Variants in RALGAPB observed in about 807,000 individuals in gnomAD.
RALGAPB encodes Ral GTPase activating protein non-catalytic subunit beta, also known as ral GTPase-activating protein subunit beta.
Under a neutral mutation model 161.1 loss-of-function variants are expected in RALGAPB, and 25 were observed. The ratio of observed to expected loss-of-function variants is 0.16; its 90% CI spans 0.11 to 0.22. The LOEUF is 0.22. RALGAPB is among the 10% of genes least tolerant of loss of function. The pLI is 1.00. For missense variants in RALGAPB, 1,391 were observed against 1,815.2 expected, an observed-to-expected ratio of 0.77 and a Z score of 4.25; for synonymous variants, 629 against 626.1, an observed-to-expected ratio of 1.00 and a Z score of -0.07.
At chr20:38,529,790 A>G (rs1243380475) in intron 13 of RALGAPB, among the ~76,000 whole-genome samples, 2 of 152,172 alleles carry the variant, frequency 1.3e-5, no homozygotes, top group Non-Finnish European at 2.9e-5. Context: ...GCAGTGAGCC[A>G]AGATCACGCT....
In RALGAPB at chr20:38,574,774, G is replaced by A. The variant is rs2088374510; in HGVS notation, c.4292G>A (p.Gly1431Asp). 3.7e-6 allele frequency: 6 copies of A among 1,612,734 alleles called. No individual in the cohort carries two copies. Among genetic ancestry groups the A allele is most frequent in the Non-Finnish European group, 5.1e-6 (6 of 1,178,882 alleles). The change falls in exon 30 of 30, where the codon GGC becomes GAC. Residue 1431 changes from glycine to aspartate, a missense_variant and splice_region_variant. Physicochemically the swap from Gly to Asp is moderately conservative, Grantham distance 94 (BLOSUM62 -1). This residue lies in a region of RALGAPB where 436 missense variants were observed against 527.0 expected (regional missense o/e 0.83). Transcript: ENST00000262879. ...TATTTTAAAACTCTCTATTTTCAAG[G>A]CTTTCTGGTGAGGCAGACTGTAATT... is the stretch of plus-strand genomic sequence containing the variant. ...DGMIVSRRAL[G>D]FLVRQTVINI...
chr20:38,476,417 A>G (rs1197673978), intron 1 of RALGAPB, among the ~76,000 whole-genome samples: 2 of 152,212 alleles, frequency 1.3e-5, no homozygotes, highest in African/African-American at 4.8e-5. Context: ...GGTCAAGGCT[A>G]CATGGTTAGC....
At chr20:38,488,016 C>T (rs1170576947) in intron 1 of RALGAPB, among the ~76,000 whole-genome samples, 1 of 152,090 alleles carries the variant, frequency 6.6e-6, no homozygotes, top group African/African-American at 2.4e-5. Context: ...GCCAAGATCA[C>T]ACCATTGTAC....
chr20:38,517,592 C>T lies in RALGAPB; in HGVS notation c.1138C>T (p.Pro380Ser), dbSNP rs995697613. 1 of 1,613,914 alleles carries T rather than the reference C, an allele frequency of 6.2e-7. No individual in the cohort carries two copies. The highest frequency in any genetic ancestry group is 1.3e-5 in the African/African-American group (1 of 74,964). ...TCAAAGTGCTGCTGTCAGTACCACC[C>T]CCCCACATAACCGGAGGCACCGGGC... ...MPQSAAVSTTPPHNRRHRAVT... is the reference protein window; with the variant it reads ...MPQSAAVSTTSPHNRRHRAVT... The change falls in exon 8 of 30, where the codon CCC becomes TCC. Residue 380 changes from proline (P) to serine (S), a missense_variant. Physicochemically the swap from Pro to Ser is moderately conservative, Grantham distance 74. Coordinates refer to ENST00000262879, the MANE Select transcript of RALGAPB (RefSeq NM_020336.4).
At chr20:38,500,917 T>C (rs2085574381) in intron 5 of RALGAPB, among the ~76,000 whole-genome samples, 1 of 152,182 alleles carries the variant, frequency 6.6e-6, no homozygotes. Context: ...GGCCTAACTG[T>C]CTTCAGTTCT....
At chr20:38,531,457 A>G (rs1195261326) in intron 14 of RALGAPB, among the ~76,000 whole-genome samples, 1 of 152,216 alleles carries the variant, frequency 6.6e-6, no homozygotes, top group Admixed American at 6.5e-5. Flanking sequence ...GAGAGAAACT[A>G]CAGCTAAATC....
rs966784475 is a variant in RALGAPB, at chr20:38,566,481, T to C, written c.3818-615T>C. Among the ~76,000 whole-genome samples the C allele has an allele frequency of 7.9e-5, 12 of 152,186 alleles. 1 individual carries two copies. The highest frequency in any genetic ancestry group is 5.9e-4 in the Admixed American group (9 of 15,272). On this transcript the variant is annotated intron_variant, in intron 25 of 29. Coordinates refer to ENST00000262879, the MANE Select transcript of RALGAPB (RefSeq NM_020336.4). ...CGTCCTTATTCTATAGCTCCTGCAA[T>C]TGGGTCTTTGTCTCCTGTTGTGAAA...
intron 9 of RALGAPB, among the ~76,000 whole-genome samples, chr20:38,520,524 CTTTT>C (rs775371608): frequency 5.7e-5 from 4 of 70,324 alleles, no homozygotes; most frequent in Admixed American, 3.2e-4. Context: ...TGTGTTTTGG[CTTTT>C]TTTTTTTTTT....
At chr20:38,483,470 G>GCAA (rs920217315) in intron 1 of RALGAPB, among the ~76,000 whole-genome samples, 2 of 152,288 alleles carry the variant, frequency 1.3e-5, no homozygotes, top group Admixed American at 1.3e-4. Flanking sequence ...CATCTTATAT[G>GCAA]TAATACTACA....
intron 3 of RALGAPB, among the ~76,000 whole-genome samples, chr20:38,496,871 A>G (rs1384224350): frequency 1.3e-5 from 2 of 152,178 alleles, no homozygotes; most frequent in Admixed American, 6.5e-5. Flanking sequence ...GCCCTTCTCT[A>G]ACAGACCTTA....
intron 7 of RALGAPB, among the ~76,000 whole-genome samples, chr20:38,517,064 C>T (rs1369381978): frequency 6.6e-6 from 1 of 152,188 alleles, no homozygotes; most frequent in Non-Finnish European, 1.5e-5. Context: ...GGTTCCATCA[C>T]CAGCAGGGAT....
At chr20:38,508,149 A>G (rs553903029) in intron 5 of RALGAPB, among the ~76,000 whole-genome samples, 3 of 151,570 alleles carry the variant, frequency 2.0e-5, no homozygotes, top group Non-Finnish European at 2.9e-5. Context: ...ATAAATAGCT[A>G]TAATTTATAA....
At chr20:38,540,868 G>A (rs2086942658) in intron 17 of RALGAPB, among the ~76,000 whole-genome samples, 173 bp from the exon 18 acceptor site, 1 of 151,918 alleles carries the variant, frequency 6.6e-6, no homozygotes, top group South Asian at 2.1e-4. Context: ...TGGGGGGAGG[G>A]GGTGTAAAGT....
intron 20 of RALGAPB, among the ~76,000 whole-genome samples, chr20:38,549,533 TAAAA>T (rs66699514): frequency 5.8e-5 from 8 of 138,592 alleles, no homozygotes; most frequent in Admixed American, 1.5e-4. Flanking sequence ...CCAGCCTAAT[TAAAA>T]AAAAAAAAAA....
At position 38,502,297 on chromosome 20, in the gene RALGAPB, A is replaced by G. The variant is rs1049598646; in HGVS notation, c.740+2664A>G. Among the ~76,000 whole-genome samples the G allele has an allele frequency of 3.3e-5, 5 of 152,284 alleles. No individual in the cohort carries two copies. In the East Asian group the frequency reaches 7.7e-4, roughly 24 times the overall value. ...AGTAAAAAGTGATGTCTCAGTTTTC[A>G]TTTATTTTTCGTCATATTTAATTTA... is the stretch of plus-strand genomic sequence containing the variant. On this transcript the variant is annotated intron_variant, in intron 5 of 29. Coordinates refer to ENST00000262879, the MANE Select transcript of RALGAPB (RefSeq NM_020336.4).
chr20:38,536,383 A>G (rs531028384), intron 16 of RALGAPB, among the ~76,000 whole-genome samples: 38 of 152,288 alleles, frequency 2.5e-4, no homozygotes, highest in Middle Eastern at 3.4e-3. Context: ...CTTGATGGAC[A>G]TTTGGGTTGT....
chr20:38,563,242 C>T (rs1039178422), intron 24 of RALGAPB, among the ~76,000 whole-genome samples: 2 of 152,172 alleles, frequency 1.3e-5, no homozygotes, highest in Admixed American at 6.5e-5. Flanking sequence ...CTGATAAGTT[C>T]CTTTTTTATA....
At chr20:38,557,132 GA>G (rs2087612559) in intron 22 of RALGAPB, among the ~76,000 whole-genome samples, 1 of 152,146 alleles carries the variant, frequency 6.6e-6, no homozygotes, top group South Asian at 2.1e-4. Flanking sequence ...TGTTTGGCAA[GA>G]TCAAGATCTC....
In RALGAPB at chr20:38,524,666, G is replaced by A. The variant is rs2086404157; in HGVS notation, c.1620-112G>A. Reference sequence around the variant, plus strand: ...ATTCCAATAATGTCCTTTCTTTAAAGGGTAAAAATAGTGATGAGTGGAAAT... The same window carrying A: ...ATTCCAATAATGTCCTTTCTTTAAAAGGTAAAAATAGTGATGAGTGGAAAT... On this transcript the variant is annotated intron_variant, in intron 10 of 29. Transcript: ENST00000262879. 4 of 785,660 alleles carry A rather than the reference G, an allele frequency of 5.1e-6. No homozygotes were observed. In the Admixed American group the frequency reaches 1.1e-4, roughly 21 times the overall value. The allele number at this position is 785,660 out of a possible 1,614,324, so 48.7% of individuals were successfully genotyped here. A position where few individuals can be genotyped will look rare whatever the true frequency, so the allele number is the denominator to read the frequency against.
Sources: gnomAD v4.1 joint callset for allele counts (sites outside exome capture counted in the v4.1 genomes callset) on GRCh38, gnomAD v4.1.1 for gene constraint, gnomAD v4.1.1 regional missense constraint, MANE v1.5 for transcripts, NCBI Gene and HGNC (gene_info 2026-07-23, HGNC 2026-07-21) for gene names.